Variants in EIF4G3 observed in about 807,000 individuals in gnomAD.
EIF4G3 encodes eIF-4-gamma 3.
EIF4G3 carries 34 observed loss-of-function variants against 186.4 expected under a neutral mutation model. The ratio of observed to expected loss-of-function variants is 0.18; its 90% confidence interval spans 0.14 to 0.24. EIF4G3 has a LOEUF of 0.24. EIF4G3 is among the 10% of genes least tolerant of loss of function. EIF4G3 has a pLI of 1.00. For synonymous variants in EIF4G3, 673 were observed against 679.5 expected (o/e 0.99, Z 0.15); for missense variants, 1,536 against 1,948.5 (o/e 0.79, Z 3.99).
intron 4 of EIF4G3, among the ~76,000 whole-genome samples, chr1:21,027,480 A>G (rs909674730): frequency 2.0e-5 from 3 of 151,134 alleles, no homozygotes; most frequent in Non-Finnish European, 4.4e-5. Context: ...AATACAAAAA[A>G]TTAGCCGGGC....
intron 2 of EIF4G3, among the ~76,000 whole-genome samples, chr1:21,089,464 AAACTT>A (rs2096108597): frequency 3.3e-5 from 5 of 152,192 alleles, no homozygotes; most frequent in South Asian, 2.1e-4. Context: ...ATAAGTGTCC[AAACTT>A]TAGACCCATG....
intron 4 of EIF4G3, among the ~76,000 whole-genome samples, chr1:21,020,833 CT>C (rs1216790480): frequency 9.2e-5 from 14 of 152,110 alleles, no homozygotes; most frequent in African/African-American, 2.4e-4. Flanking sequence ...AATGCAGAAA[CT>C]TTTAAAATCA....
At chr1:21,000,129 A>T (rs951033316) in intron 6 of EIF4G3, among the ~76,000 whole-genome samples, 2 of 59,210 alleles carry the variant, frequency 3.4e-5, no homozygotes, top group Middle Eastern at 8.8e-3. Flanking sequence ...ACAGGCTATT[A>T]AAAAAAAAAA....
intron 36 of EIF4G3, among the ~76,000 whole-genome samples, chr1:20,809,903 G>T: frequency 7.0e-6 from 1 of 143,022 alleles, no homozygotes; most frequent in East Asian, 1.9e-4. Context: ...GCCTGCCCTG[G>T]AATGGGGATG....
chr1:21,176,171 ATAC>A lies in EIF4G3; in HGVS notation c.-272+1_-272+3del. The A allele has an allele frequency of 2.4e-6, 1 of 408,198 alleles. No homozygotes were observed. The allele number at this position is 408,198 out of a possible 1,614,324, so 25.3% of individuals were successfully genotyped here. ...AAGGGCCGACAGGAAGGTGAAAAGG[ATAC>A]TGTTGGGGCGCCTGAGTCTGGAGGG... On this transcript the variant is annotated splice_donor_variant and splice_donor_region_variant and intron_variant, in intron 2 of 36. Transcript: ENST00000602326. LOFTEE classifies it low-confidence loss of function (5UTR_SPLICE).
chr1:20,987,074 A>T (rs150958233), intron 7 of EIF4G3, among the ~76,000 whole-genome samples: 1 of 152,240 alleles, frequency 6.6e-6, no homozygotes, highest in South Asian at 2.1e-4. Flanking sequence ...TCTAGAAGCC[A>T]GAATAAAAAA....
chr1:21,061,625 T>C (rs1014293108), intron 3 of EIF4G3, among the ~76,000 whole-genome samples: 1 of 152,050 alleles, frequency 6.6e-6, no homozygotes, highest in Non-Finnish European at 1.5e-5. Flanking sequence ...GAGAGGAAGA[T>C]GGCAAAAGGC....
chr1:20,969,716 AC>A, intron 11 of EIF4G3, 120 bp from the exon 12 acceptor site: 1 of 859,326 alleles, frequency 1.2e-6, no homozygotes, highest in Non-Finnish European at 1.8e-6. Context: ...GGTGATAATC[AC>A]CACATTTGAC....
chr1:21,023,844 C>G (rs12096886), intron 4 of EIF4G3, among the ~76,000 whole-genome samples: 44,597 of 120,446 alleles, frequency 0.37, 8,377 homozygotes, highest in Non-Finnish European at 0.41. Context: ...ATCACATCTA[C>G]GAAGTGAGGA....
chr1:20,981,122 G>C lies in EIF4G3; in HGVS notation c.304C>G (p.Gln102Glu), dbSNP rs757525168. ...QTPTAVYQANQHIMMVNHLPM... is the reference protein window; with the variant it reads ...QTPTAVYQANEHIMMVNHLPM... ...AGATGGTTAACCATCATGATGTGCT[G>C]ATTAGCCTGGTACACTGCAGTGGGT... The change falls in exon 9 of 37, where the codon CAG becomes GAG. Residue 102 changes from glutamine to glutamate, a missense_variant. Physicochemically the swap from Gln to Glu is conservative, Grantham distance 29. Transcript: ENST00000602326. 1.9e-6 allele frequency: 3 copies of C among 1,613,752 alleles called. No individual in the cohort carries two copies. The highest frequency in any genetic ancestry group is 2.2e-5 in the East Asian group (1 of 44,866).
At chr1:20,889,101 A>AT (rs1314604869) in intron 18 of EIF4G3, among the ~76,000 whole-genome samples, 5 of 152,146 alleles carry the variant, frequency 3.3e-5, no homozygotes, top group Admixed American at 2.0e-4. Context: ...TAAAGTTTGC[A>AT]TTTTTTACCC....
intron 10 of EIF4G3, among the ~76,000 whole-genome samples, chr1:20,977,430 A>T (rs974406382): frequency 1.3e-5 from 2 of 151,860 alleles, no homozygotes; most frequent in Non-Finnish European, 2.9e-5. Flanking sequence ...CGGGTGATCC[A>T]CCCACCTTGG....
At chr1:21,074,484 G>T (rs1317573743) in intron 3 of EIF4G3, among the ~76,000 whole-genome samples, 2 of 151,844 alleles carry the variant, frequency 1.3e-5, no homozygotes, top group African/African-American at 4.8e-5. Context: ...CAAAAATCTG[G>T]ATTTCTAACT....
intron 2 of EIF4G3, among the ~76,000 whole-genome samples, chr1:21,107,801 C>T (rs752869888): frequency 1.1e-4 from 17 of 152,216 alleles, no homozygotes; most frequent in Non-Finnish European, 2.2e-4. Context: ...GCTTCAGCCT[C>T]CCGAGTAGCT....
intron 12 of EIF4G3, among the ~76,000 whole-genome samples, chr1:20,957,113 G>C (rs1309928732): frequency 1.3e-5 from 2 of 152,094 alleles, no homozygotes; most frequent in Admixed American, 1.3e-4. Flanking sequence ...GAACATCCTT[G>C]AAAGCAATGA....
chr1:20,983,584 G>A (rs923632306), intron 7 of EIF4G3, among the ~76,000 whole-genome samples: 7 of 152,130 alleles, frequency 4.6e-5, no homozygotes, highest in Non-Finnish European at 7.3e-5. Context: ...TTAATATCAG[G>A]AGCCACAAGA....
chr1:20,874,369 C>T (rs938112349), intron 20 of EIF4G3, among the ~76,000 whole-genome samples: 2 of 152,190 alleles, frequency 1.3e-5, no homozygotes, highest in East Asian at 3.8e-4. Flanking sequence ...GCCATTCTGA[C>T]TGGCATGAGA....
At chr1:21,024,056 G>A (rs1180331835) in intron 4 of EIF4G3, among the ~76,000 whole-genome samples, 11 of 149,816 alleles carry the variant, frequency 7.3e-5, no homozygotes, top group East Asian at 2.0e-4. Context: ...GAGACCCTCC[G>A]CCCGGCAGCT....
intron 3 of EIF4G3, among the ~76,000 whole-genome samples, chr1:21,063,803 G>A (rs1034582434): frequency 7.9e-5 from 12 of 151,602 alleles, no homozygotes; most frequent in African/African-American, 2.4e-4. Flanking sequence ...TCCGCCTCCC[G>A]GGTTCAAGCA....
Sources: gnomAD v4.1 joint callset for allele counts (sites outside exome capture counted in the v4.1 genomes callset) on GRCh38, gnomAD v4.1.1 for gene constraint, MANE v1.5 for transcripts, NCBI Gene and HGNC (gene_info 2026-07-23, HGNC 2026-07-21) for gene names.